PDXDC1: variants seen among roughly 807,000 people sequenced by gnomAD.
PDXDC1 encodes pyridoxal-dependent decarboxylase domain-containing protein 1.
A neutral mutation model predicts 100.1 loss-of-function variants in PDXDC1; 42 were observed. The ratio of observed to expected loss-of-function variants is 0.42; its 90% CI spans 0.33 to 0.54. The LOEUF is 0.54. Among genes scored for constraint, PDXDC1 ranks in the 20% least tolerant of loss-of-function variants. The pLI is 0.10. For missense variants in PDXDC1, 636 were observed against 979.2 expected, an observed-to-expected ratio of 0.65 and a Z score of 4.68; for synonymous variants, 260 against 371.7, an observed-to-expected ratio of 0.70 and a Z score of 3.46.
At chr16:15,135,627 G>A (rs1841764969) in intron 16 of PDXDC1, 2 of 1,564,056 alleles carry the variant, frequency 1.3e-6, no homozygotes, top group African/African-American at 2.7e-5. Context: ...GGGCATGGAG[G>A]ACGGCCCTGC....
chr16:15,132,947 C>G, intron 16 of PDXDC1: 1 of 1,574,754 alleles, frequency 6.4e-7, no homozygotes, highest in Non-Finnish European at 8.6e-7. Context: ...ATGCCCACGA[C>G]TCCCGGGGTG....
At chr16:15,149,463 G>A in the PDXDC1 span, among the ~76,000 whole-genome samples, 1 of 152,208 alleles carries the variant, frequency 6.6e-6, no homozygotes, top group Admixed American at 6.5e-5. Flanking sequence ...TCCGTGGCCT[G>A]GCCAGCCCCC....
intron 16 of PDXDC1, among the ~76,000 whole-genome samples, chr16:15,084,088 T>G (rs1340985147): frequency 6.6e-6 from 1 of 152,240 alleles, no homozygotes; most frequent in East Asian, 1.9e-4. Flanking sequence ...TTCTGTTAAC[T>G]CTGATATCAA....
At chr16:15,054,143 C>T (rs375940500) in intron 16 of PDXDC1, among the ~76,000 whole-genome samples, 55 of 152,328 alleles carry the variant, frequency 3.6e-4, no homozygotes, top group African/African-American at 1.2e-3. Flanking sequence ...GCGCCCCAGG[C>T]GGCTTGCCCA....
At chr16:14,991,396 G>A (rs1231232600) in intron 1 of PDXDC1, among the ~76,000 whole-genome samples, 2 of 152,186 alleles carry the variant, frequency 1.3e-5, no homozygotes, top group African/African-American at 4.8e-5. Context: ...AACCTCCCAG[G>A]CTCAAGTGAT....
At chr16:15,131,050 G>A in intron 16 of PDXDC1, 1 of 1,566,454 alleles carries the variant, frequency 6.4e-7, no homozygotes, top group Non-Finnish European at 8.7e-7. Flanking sequence ...CAAGAACAAG[G>A]CCAGGGGGCC....
chr16:15,047,868 G>A, intron 16 of PDXDC1: 1 of 1,612,810 alleles, frequency 6.2e-7, no homozygotes, highest in African/African-American at 1.3e-5. Context: ...TGTGCCTCAG[G>A]ACCACAATGT....
chr16:14,995,465 C>A (rs1230274458), intron 1 of PDXDC1, among the ~76,000 whole-genome samples: 1 of 152,292 alleles, frequency 6.6e-6, no homozygotes, highest in African/African-American at 2.4e-5. Context: ...GTATGTTGAA[C>A]CAGCCTTGCA....
intron 16 of PDXDC1, among the ~76,000 whole-genome samples, chr16:15,112,085 C>T (rs936390039): frequency 1.4e-5 from 2 of 147,990 alleles, no homozygotes; most frequent in Admixed American, 6.7e-5. Context: ...GACTGAATTC[C>T]CACCAAATTT....
intron 1 of PDXDC1, among the ~76,000 whole-genome samples, chr16:14,996,960 G>C (rs1972111610): frequency 6.6e-6 from 1 of 152,276 alleles, no homozygotes; most frequent in African/African-American, 2.4e-5. Context: ...CAAAGACCAA[G>C]TTGTCCAGTT....
At chr16:15,095,590 G>C (rs1169572512) in intron 16 of PDXDC1, among the ~76,000 whole-genome samples, 1 of 152,098 alleles carries the variant, frequency 6.6e-6, no homozygotes, top group Non-Finnish European at 1.5e-5. Context: ...AGTGGCTCAC[G>C]CCTGTTATCC....
chr16:15,019,602 G>A (rs1036487356), intron 12 of PDXDC1, among the ~76,000 whole-genome samples: 6 of 152,250 alleles, frequency 3.9e-5, no homozygotes, highest in African/African-American at 1.2e-4. Context: ...ATTCCATGTC[G>A]GGCCCGTTCC....
intron 16 of PDXDC1, among the ~76,000 whole-genome samples, chr16:15,066,314 C>G (rs913550998): frequency 1.3e-5 from 2 of 152,180 alleles, no homozygotes; most frequent in Admixed American, 6.5e-5. Context: ...TGCCCACACA[C>G]AAGAATGTTC....
At chr16:15,054,324 ACCTTC>A (rs2044414190) in intron 16 of PDXDC1, among the ~76,000 whole-genome samples, 1 of 152,028 alleles carries the variant, frequency 6.6e-6, no homozygotes, top group African/African-American at 2.4e-5. Context: ...ATAGGCCAAA[ACCTTC>A]CTTCGAGAGA....
intron 16 of PDXDC1, chr16:15,071,077 T>C (rs755154800): frequency 2.6e-6 from 4 of 1,549,234 alleles, no homozygotes; most frequent in African/African-American, 1.4e-5. Flanking sequence ...ATACTCTTTT[T>C]AAAGCATGAT....
intron 12 of PDXDC1, among the ~76,000 whole-genome samples, chr16:15,020,678 CTT>C (rs1378305318): frequency 6.7e-6 from 1 of 150,300 alleles, no homozygotes; most frequent in African/African-American, 2.5e-5. Context: ...GAAACTCAGT[CTT>C]TTAAAAAAAG....
chr16:15,034,070 G>T (rs765169910), intron 19 of PDXDC1: 2 of 588,488 alleles, frequency 3.4e-6, no homozygotes, highest in Non-Finnish European at 6.1e-6. Flanking sequence ...TCAAGAATAC[G>T]TAGCAAATGA....
intron 5 of PDXDC1, among the ~76,000 whole-genome samples, chr16:15,004,665 C>G (rs1973887488): frequency 1.3e-5 from 2 of 152,352 alleles, no homozygotes; most frequent in Admixed American, 6.5e-5. Flanking sequence ...GATCTGGATT[C>G]AAATACAGTT....
chr16:15,129,354 G>A (rs529217780), intron 16 of PDXDC1, among the ~76,000 whole-genome samples: 69 of 151,864 alleles, frequency 4.5e-4, no homozygotes, highest in African/African-American at 7.5e-4. Context: ...AAGGGGAATC[G>A]CTTAAACCCA....
Sources: allele counts gnomAD v4.1 joint callset (sites outside exome capture counted in the v4.1 genomes callset), GRCh38; gene constraint gnomAD v4.1.1; transcripts MANE v1.5; gene names NCBI Gene and HGNC (gene_info 2026-07-23, HGNC 2026-07-21).